Variants in FGFR1 observed in about 807,000 individuals in gnomAD.
The protein encoded by FGFR1 is fibroblast growth factor receptor 1.
Under a neutral mutation model 93.7 loss-of-function variants are expected in FGFR1, and 18 were observed. The observed-to-expected ratio is 0.19, with a 90% confidence interval of 0.13 to 0.28. FGFR1 has a LOEUF of 0.28. FGFR1 is among the 10% of genes least tolerant of loss of function. The pLI is 1.00. For synonymous variants in FGFR1, 448 were observed against 429.3 expected, an observed-to-expected ratio of 1.04 and a Z score of -0.54; for missense variants, 731 against 1,080.4, an observed-to-expected ratio of 0.68 and a Z score of 4.53.
chr8:38,415,513 C>T (rs1158930228), intron 13 of FGFR1, among the ~76,000 whole-genome samples: 1 of 151,282 alleles, frequency 6.6e-6, no homozygotes, highest in Non-Finnish European at 1.5e-5. Context: ...TATTGCCCAA[C>T]CTGGTCTCAC....
intron 1 of FGFR1, among the ~76,000 whole-genome samples, chr8:38,459,954 C>A (rs967200816): frequency 6.6e-6 from 1 of 152,072 alleles, no homozygotes; most frequent in East Asian, 1.9e-4. Flanking sequence ...GAGGCTGAGG[C>A]GGGAGTATCA....
At chr8:38,443,065 T>G (rs901247530) in intron 2 of FGFR1, among the ~76,000 whole-genome samples, 1 of 152,084 alleles carries the variant, frequency 6.6e-6, no homozygotes, top group Non-Finnish European at 1.5e-5. Flanking sequence ...AATGAAAAGC[T>G]GTAGAATAGT....
intron 2 of FGFR1, among the ~76,000 whole-genome samples, chr8:38,438,384 A>G (rs148527732): frequency 0.013 from 1,958 of 152,124 alleles, 45 homozygotes; most frequent in African/African-American, 0.044. Flanking sequence ...TCTACTAAAA[A>G]TACAAAAAAT....
At chr8:38,466,895 A>ACCC (rs35393411) in intron 1 of FGFR1, among the ~76,000 whole-genome samples, 4 of 135,704 alleles carry the variant, frequency 2.9e-5, no homozygotes, top group East Asian at 4.5e-4. Context: ...TTCACACCCC[A>ACCC]CCCCCCCCCC....
rs1815295627 is a variant in FGFR1, at chr8:38,413,889, AGCTCTG to A, written c.2292+23_2292+28del. ...GCGTGCACGCAGTGGGGACGGCCTGAGCTCTGGCTCTGGCACGGGCAGCCTTACCTG... is the reference window on the plus strand; with the variant it reads ...GCGTGCACGCAGTGGGGACGGCCTGAGCTCTGGCACGGGCAGCCTTACCTG... On this transcript the variant is annotated intron_variant, in intron 17 of 17. Transcript: ENST00000447712. The surrounding 1 kb of genome is among the most constrained non-coding windows in gnomAD (Gnocchi z 4.2). 2 of 1,613,140 alleles carry A rather than the reference AGCTCTG, an allele frequency of 1.2e-6. No homozygotes were observed. Among genetic ancestry groups the A allele is most frequent in the Non-Finnish European group, 1.7e-6 (2 of 1,179,666 alleles).
chr8:38,465,540 T>TC (rs1287427155), intron 1 of FGFR1: 1 of 228,858 alleles, frequency 4.4e-6, no homozygotes, highest in African/African-American at 2.2e-5. Context: ...ACTCGGAGGG[T>TC]CGGGGCAGCC....
chr8:38,459,763 A>G (rs1833903661), intron 1 of FGFR1, among the ~76,000 whole-genome samples: 2 of 152,180 alleles, frequency 1.3e-5, no homozygotes, highest in African/African-American at 4.8e-5. Flanking sequence ...GAGGAAGTAA[A>G]TAAGGGATTG....
chr8:38,417,205 A>ACC (rs1221172218), intron 12 of FGFR1, 101 bp downstream of exon 12: 1 of 917,206 alleles, frequency 1.1e-6, no homozygotes, highest in South Asian at 1.3e-5. Flanking sequence ...GCCTCTCTTA[A>ACC]CCCCCTTCCC....
At chr8:38,423,234 G>A (rs972611655) in intron 7 of FGFR1, 32 of 761,200 alleles carry the variant, frequency 4.2e-5, no homozygotes, top group Admixed American at 3.4e-4. Flanking sequence ...GGCCACGCAC[G>A]TTGCTCCCGT....
intron 1 of FGFR1, chr8:38,458,909 G>A (rs572830139): frequency 4.5e-6 from 1 of 220,070 alleles, no homozygotes; most frequent in East Asian, 6.7e-5. Context: ...AAGGTGACAA[G>A]TGATGTCTGA....
rs747737281 is a variant in FGFR1 at position 38,413,915 on chromosome 8, T to C, written c.2292+3A>G. 9.5e-5 allele frequency: 154 copies of C among 1,613,824 alleles called. No homozygotes were observed. The highest frequency in any genetic ancestry group is 1.3e-4 in the Non-Finnish European group (148 of 1,179,932). On this transcript the variant is annotated splice_donor_region_variant and intron_variant, in intron 17 of 17. Coordinates refer to ENST00000447712, the MANE Select transcript of FGFR1 (RefSeq NM_023110.3). The surrounding 1 kb of genome is among the most constrained non-coding windows in gnomAD (Gnocchi z 4.2). ...GCTCTGGCTCTGGCACGGGCAGCCT[T>C]ACCTGGTTGGAGGTCAAGGCCACGA...
chr8:38,457,726 C>CTGGG (rs1833251911), intron 1 of FGFR1, among the ~76,000 whole-genome samples, 192 bp from the exon 2 acceptor site: 1 of 152,196 alleles, frequency 6.6e-6, no homozygotes, highest in African/African-American at 2.4e-5. Flanking sequence ...GTGGTGCACC[C>CTGGG]TGTAATCCCA....
At position 38,429,846 on chromosome 8, in the gene FGFR1, T is replaced by A. The variant is rs375271913; in HGVS notation, c.194A>T (p.Asn65Ile). 1.9e-6 allele frequency: 3 copies of A among 1,613,998 alleles called. No homozygotes were observed. Among genetic ancestry groups the A allele is most frequent in the Non-Finnish European group, 2.5e-6 (3 of 1,179,988 alleles). The stretch of plus-strand genomic sequence containing the variant: ...CAGCTGCACCCCGTCCCGCAGCCAG[T>A]TGATGCTCTGCACATCGTCCCGCAG... ...CRLRDDVQSI[N>I]WLRDGVQLAE... Residue 65 changes from asparagine (N) to isoleucine (I), a missense_variant, in exon 3 of 18, where the codon AAC (asparagine) becomes ATC (isoleucine). This residue lies in a region of FGFR1 where 212 missense variants were observed against 205.8 expected (regional missense o/e 1.03). Coordinates refer to ENST00000447712, the MANE Select transcript of FGFR1 (RefSeq NM_023110.3). This position sits in a 1 kb window ranked among gnomAD's most constrained non-coding sequence, Gnocchi z 4.4.
intron 7 of FGFR1, chr8:38,422,341 C>T (rs1013578194): frequency 2.3e-6 from 1 of 436,484 alleles, no homozygotes; most frequent in African/African-American, 2.0e-5. Context: ...CATGCACACG[C>T]ATACACACAC....
intron 12 of FGFR1, 73 bp from the exon 13 acceptor site, chr8:38,416,133 C>G (rs1171714629): frequency 1.5e-6 from 2 of 1,368,940 alleles, no homozygotes; most frequent in Non-Finnish European, 2.0e-6. Context: ...AAAGAAACCC[C>G]ACCCCCAGCA....
rs538617041 is a variant in FGFR1, at chr8:38,448,050, T to A, written c.91+9306A>T. On this transcript the variant is annotated intron_variant, in intron 2 of 17. Coordinates refer to ENST00000447712, the MANE Select transcript of FGFR1 (RefSeq NM_023110.3). Reference sequence around the variant, plus strand: ...CTTAAGCATAATGAAAAACATTCTCTGTATGGCTCTAAATGCTGATATCAG... The same window carrying A: ...CTTAAGCATAATGAAAAACATTCTCAGTATGGCTCTAAATGCTGATATCAG... 3.9e-5 allele frequency among the ~76,000 whole-genome samples: 6 copies of A among 152,370 alleles called. No homozygotes were observed. In the East Asian group the frequency reaches 1.2e-3, roughly 29 times the overall value.
rs904092379 is a variant in FGFR1 at position 38,413,004 on chromosome 8, T to C, written c.*624A>G. The C allele has an allele frequency of 8.5e-6, 2 of 235,730 alleles. No individual in the cohort carries two copies. 14.6% of individuals were successfully genotyped at this position (235,730 alleles called of 1,614,324 possible). A position where few individuals can be genotyped will look rare whatever the true frequency, so the allele number is the denominator to read the frequency against. On this transcript the variant is annotated 3_prime_UTR_variant, in exon 18 of 18. Transcript: ENST00000447712. The surrounding 1 kb of genome is among the most constrained non-coding windows in gnomAD (Gnocchi z 4.2). ...ACTTTGTGTTTTCTTCATAGCTATA[T>C]ACAGAGCCCCCAGTTTGGGGCTGGG...
At position 38,429,285 on chromosome 8, in the gene FGFR1, G is replaced by C. The variant is rs752783453; in HGVS notation, c.358+397C>G. On this transcript the variant is annotated intron_variant, in intron 3 of 17. Coordinates refer to ENST00000447712, the MANE Select transcript of FGFR1 (RefSeq NM_023110.3). This position sits in a 1 kb window ranked among gnomAD's most constrained non-coding sequence, Gnocchi z 4.4. ...CAGCAGAGCAGGGATACCACCACCT[G>C]TTCAGGGCCTCTAATCACTAAGCCG... 3.8e-6 allele frequency: 2 copies of C among 526,068 alleles called. No individual in the cohort carries two copies. Among genetic ancestry groups the C allele is most frequent in the Non-Finnish European group, 7.5e-6 (2 of 267,508 alleles). 32.6% of individuals were successfully genotyped at this position (526,068 alleles called of 1,614,324 possible).
At chr8:38,437,384 C>G (rs1354071369) in intron 2 of FGFR1, among the ~76,000 whole-genome samples, 1 of 152,170 alleles carries the variant, frequency 6.6e-6, no homozygotes, top group Non-Finnish European at 1.5e-5. Context: ...CAGGGGTGCT[C>G]AGATTTGCAC....
Sources: gnomAD v4.1 joint callset for allele counts (sites outside exome capture counted in the v4.1 genomes callset) on GRCh38, gnomAD v4.1.1 for gene constraint, gnomAD v4.1.1 regional missense constraint, Gnocchi (gnomAD v3.1) non-coding constraint, MANE v1.5 for transcripts, NCBI Gene and HGNC (gene_info 2026-07-23, HGNC 2026-07-21) for gene names.